The following IFNGR2 variants were observed in gnomAD, a reference collection of about 807,000 sequenced individuals.
IFNGR2 encodes the protein interferon gamma receptor 2.
IFNGR2 carries 15 observed loss-of-function variants against 41.1 expected under a neutral mutation model. The ratio of observed to expected loss-of-function variants is 0.37; its 90% CI spans 0.24 to 0.56. The LOEUF (loss-of-function observed/expected upper bound fraction) is 0.56. IFNGR2 is among the 20% of genes least tolerant of loss of function. The pLI, the probability that IFNGR2 is intolerant of heterozygous loss-of-function variation, is 0.81. For missense variants in IFNGR2, 362 were observed against 415.7 expected (o/e 0.87, Z 1.12); for synonymous variants, 161 against 171.6 (o/e 0.94, Z 0.48).
At chr21:33,423,712 G>GT (rs1459184520) in intron 3 of IFNGR2, among the ~76,000 whole-genome samples, 1 of 151,998 alleles carries the variant, frequency 6.6e-6, no homozygotes, top group Non-Finnish European at 1.5e-5. Context: ...CCAATAAAAA[G>GT]TTTTTTAGAG....
intron 1 of IFNGR2, 90 bp from the exon 2 acceptor site, chr21:33,414,798 G>A: frequency 7.1e-7 from 1 of 1,413,132 alleles, no homozygotes. Context: ...TTGTATGAAT[G>A]ACTTAGATAA....
rs560104295 is a variant in IFNGR2 at position 33,408,959 on chromosome 21, A to T, written c.73+5343A>T. 2.0e-5 allele frequency among the ~76,000 whole-genome samples: 3 copies of T among 152,136 alleles called. No homozygotes were observed. In the South Asian group the frequency reaches 6.2e-4, roughly 32 times the overall value. ...TTTGGGAGGCCGAGGCAGGTGGATC[A>T]CTAGGTCAGGAGTTCGAGACCAGCC... On this transcript the variant is annotated intron_variant, in intron 1 of 6. Coordinates refer to ENST00000290219, the MANE Select transcript of IFNGR2 (RefSeq NM_005534.4).
chr21:33,436,191 A>G (rs2083948822), intron 6 of IFNGR2, among the ~76,000 whole-genome samples: 1 of 149,986 alleles, frequency 6.7e-6, no homozygotes. Flanking sequence ...CCCCGTCTCT[A>G]CTTAAAATAC....
intron 3 of IFNGR2, among the ~76,000 whole-genome samples, chr21:33,422,902 A>AAAAAAAAAAAAAAAT (rs2083805098): frequency 7.1e-6 from 1 of 139,976 alleles, no homozygotes; most frequent in Non-Finnish European, 1.6e-5. Flanking sequence ...AAAAAAAAAA[A>AAAAAAAAAAAAAAAT]GCAAAATAAT....
intron 2 of IFNGR2, among the ~76,000 whole-genome samples, chr21:33,416,925 CT>C (rs554788768): frequency 0.013 from 1,683 of 128,170 alleles, 10 homozygotes; most frequent in African/African-American, 0.035. Flanking sequence ...TTTTCTTTTT[CT>C]TTTTTTTTTT....
intron 2 of IFNGR2, among the ~76,000 whole-genome samples, chr21:33,419,583 T>G (rs1405989757): frequency 6.6e-6 from 1 of 152,178 alleles, no homozygotes; most frequent in Non-Finnish European, 1.5e-5. Context: ...ATTATTTCTG[T>G]GTGGACATTG....
intron 4 of IFNGR2, among the ~76,000 whole-genome samples, chr21:33,427,630 C>T (rs528247440): frequency 2.6e-5 from 4 of 152,126 alleles, no homozygotes; most frequent in East Asian, 1.9e-4. Flanking sequence ...TGGTCAGCCT[C>T]GGGGAGTATA....
intron 1 of IFNGR2, among the ~76,000 whole-genome samples, chr21:33,407,110 G>T (rs1483075609): frequency 6.6e-6 from 1 of 152,166 alleles, no homozygotes; most frequent in Non-Finnish European, 1.5e-5. Flanking sequence ...CACAAGTGCA[G>T]TAAATCAACT....
At chr21:33,405,465 T>C (rs1568948408) in intron 1 of IFNGR2, among the ~76,000 whole-genome samples, 1 of 151,350 alleles carries the variant, frequency 6.6e-6, no homozygotes. Context: ...TGCATATGCC[T>C]CCTCCCTAGG....
intron 1 of IFNGR2, among the ~76,000 whole-genome samples, chr21:33,405,019 C>T (rs566194511): frequency 6.7e-6 from 1 of 149,986 alleles, no homozygotes; most frequent in Non-Finnish European, 1.5e-5. Context: ...CTCAGGAGGC[C>T]GAGGCGGGAG....
intron 4 of IFNGR2, among the ~76,000 whole-genome samples, chr21:33,430,905 A>T (rs1370003083): frequency 6.6e-6 from 1 of 152,214 alleles, no homozygotes; most frequent in Non-Finnish European, 1.5e-5. Flanking sequence ...TGTATCTCAA[A>T]ATTAGAAAAC....
intron 4 of IFNGR2, among the ~76,000 whole-genome samples, chr21:33,431,774 T>C (rs1315814813): frequency 1.3e-5 from 2 of 152,176 alleles, no homozygotes; most frequent in Non-Finnish European, 2.9e-5. Context: ...TTTTGCAATG[T>C]TGGCCAGGCT....
rs902362680 is a variant in IFNGR2 at position 33,426,922 on chromosome 21, G to A, written c.451G>A (p.Gly151Arg). Residue 151 changes from glycine to arginine, a missense_variant, in exon 4 of 7, where the codon GGA becomes AGA. Gly to Arg is a moderately radical substitution (Grantham distance 125, BLOSUM62 -2). Coordinates refer to ENST00000290219, the MANE Select transcript of IFNGR2 (RefSeq NM_005534.4). ...GPPENIEVTPGEGSLIIRFSS... is the reference protein window; with the variant it reads ...GPPENIEVTPREGSLIIRFSS... ...TCCAGAAAACATTGAGGTGACCCCA[G>A]GAGAAGGCTCCCTCATCATCAGGTT... 142 of 1,613,630 alleles carry A rather than the reference G, an allele frequency of 8.8e-5. No homozygotes were observed. The highest frequency in any genetic ancestry group is 1.1e-4 in the Non-Finnish European group (129 of 1,179,874).
rs370155986 is a variant in IFNGR2, at chr21:33,434,207, G to A, written c.879+1336G>A. Among the ~76,000 whole-genome samples, 39 of 152,252 alleles carry A rather than the reference G, an allele frequency of 2.6e-4. No homozygotes were observed. The South Asian group carries it at 6.0e-3, about 23-fold the overall frequency. ...TCAGGACATTTTGGGGATCAGAGGC[G>A]AGCTGAGAGAAGAACATTTAAAAAG... On this transcript the variant is annotated intron_variant, in intron 6 of 6. Transcript: ENST00000290219.
At chr21:33,405,248 G>A (rs2123325362) in intron 1 of IFNGR2, among the ~76,000 whole-genome samples, 1 of 152,246 alleles carries the variant, frequency 6.6e-6, no homozygotes, top group African/African-American at 2.4e-5. Context: ...CGAGAATTTA[G>A]AAGATTCTTC....
chr21:33,414,793 T>C, intron 1 of IFNGR2, 95 bp from the exon 2 acceptor site: 1 of 1,398,294 alleles, frequency 7.2e-7, no homozygotes, highest in Non-Finnish European at 9.8e-7. Flanking sequence ...CTGAGTTGTA[T>C]GAATGACTTA....
chr21:33,436,025 C>T (rs923607672), intron 6 of IFNGR2, among the ~76,000 whole-genome samples: 9 of 152,030 alleles, frequency 5.9e-5, no homozygotes, highest in Non-Finnish European at 1.2e-4. Flanking sequence ...CGCGCCACTG[C>T]ACTCCAGCCT....
intron 1 of IFNGR2, among the ~76,000 whole-genome samples, chr21:33,407,466 T>C (rs2083684718): frequency 6.6e-6 from 1 of 152,248 alleles, no homozygotes; most frequent in South Asian, 2.1e-4. Flanking sequence ...AAGTGCTTTA[T>C]ATACATTACC....
At chr21:33,416,531 T>C (rs533480125) in intron 2 of IFNGR2, among the ~76,000 whole-genome samples, 3 of 152,062 alleles carry the variant, frequency 2.0e-5, no homozygotes, top group East Asian at 1.9e-4. Flanking sequence ...TGTAAAAGAA[T>C]AGAAAAGTAG....
Sources: gnomAD v4.1 joint callset for allele counts (sites outside exome capture counted in the v4.1 genomes callset) on GRCh38, gnomAD v4.1.1 for gene constraint, MANE v1.5 for transcripts, NCBI Gene and HGNC (gene_info 2026-07-23, HGNC 2026-07-21) for gene names.